The following CNTN1 variants were observed in gnomAD, a reference collection of about 807,000 sequenced individuals.
CNTN1 encodes the protein contactin 1.
CNTN1 carries 38 observed loss-of-function variants against 126.4 expected under a neutral mutation model. The observed-to-expected ratio is 0.30, with a 90% confidence interval of 0.23 to 0.39. The LOEUF is 0.39. Among genes scored for constraint, CNTN1 ranks in the 10% least tolerant of loss-of-function variants. The pLI is 1.00. For missense variants in CNTN1, 1,009 were observed against 1,248.4 expected, an observed-to-expected ratio of 0.81 and a Z score of 2.89; for synonymous variants, 413 against 422.6, an observed-to-expected ratio of 0.98 and a Z score of 0.28.
chr12:40,977,810 T>TG (rs1182390014), intron 15 of CNTN1, among the ~76,000 whole-genome samples: 2 of 116,554 alleles, frequency 1.7e-5, no homozygotes, highest in African/African-American at 3.0e-5. Context: ...TGTTTTGTTT[T>TG]GTTTTGTTTT....
At chr12:40,785,350 G>C (rs1339728423) in intron 1 of CNTN1, among the ~76,000 whole-genome samples, 6 of 152,132 alleles carry the variant, frequency 3.9e-5, no homozygotes, top group Non-Finnish European at 8.8e-5. Flanking sequence ...GGAAGACGAA[G>C]TGGGAGCAGG....
chr12:40,947,398 T>C (rs1172809257), intron 14 of CNTN1, among the ~76,000 whole-genome samples: 2 of 152,042 alleles, frequency 1.3e-5, no homozygotes, highest in Admixed American at 1.3e-4. Flanking sequence ...TGGCAAATGA[T>C]CATAAATGTT....
rs114268774 is a variant in CNTN1, at chr12:40,924,864, T to A, written c.496+212T>A. Among the ~76,000 whole-genome samples the A allele has an allele frequency of 0.034, 2,590 of 76,662 alleles. 79 individuals carry two copies. Among genetic ancestry groups the A allele is most frequent in the African/African-American group, 0.12 (2,334 of 18,936 alleles). The allele number at this position is 76,662 out of a possible 152,430, so 50.3% of individuals were successfully genotyped here. On this transcript the variant is annotated intron_variant, in intron 6 of 23. Coordinates refer to ENST00000551295, the MANE Select transcript of CNTN1 (RefSeq NM_001843.4). ...TGGCTCTAGTCCCAAGGATCTCTAATCATTTTAGTTTATAAACATATATAT... is the reference window on the plus strand; with the variant it reads ...TGGCTCTAGTCCCAAGGATCTCTAAACATTTTAGTTTATAAACATATATAT...
chr12:40,779,679 A>C (rs1037773239), intron 1 of CNTN1, among the ~76,000 whole-genome samples: 5 of 151,914 alleles, frequency 3.3e-5, no homozygotes, highest in African/African-American at 1.2e-4. Flanking sequence ...TAAAACAGTT[A>C]AGAGATGCTT....
intron 17 of CNTN1, among the ~76,000 whole-genome samples, chr12:41,003,248 C>T (rs1415469142): frequency 6.6e-6 from 1 of 152,090 alleles, no homozygotes; most frequent in East Asian, 1.9e-4. Context: ...ATCACATTTA[C>T]TGATTTGCAT....
At chr12:40,762,245 C>T (rs530819265) in intron 1 of CNTN1, among the ~76,000 whole-genome samples, 5 of 152,186 alleles carry the variant, frequency 3.3e-5, no homozygotes, top group African/African-American at 1.2e-4. Context: ...GTACAATGTC[C>T]AAAGTAGAAA....
At chr12:40,961,422 T>C (rs76165559) in intron 15 of CNTN1, among the ~76,000 whole-genome samples, 1 of 152,032 alleles carries the variant, frequency 6.6e-6, no homozygotes, top group South Asian at 2.1e-4. Context: ...ATTAAACAGT[T>C]GTTTTTATTT....
At position 40,928,801 on chromosome 12, in the gene CNTN1, A is replaced by G. The variant is rs547704078; in HGVS notation, c.497-995A>G. 1.6e-4 allele frequency among the ~76,000 whole-genome samples: 24 copies of G among 152,194 alleles called. No individual in the cohort carries two copies. In the East Asian group the frequency reaches 4.4e-3, roughly 28 times the overall value. ...ATTGTGCTTTCACACTCTCTTTGAAAGCTTTGCTAGCCACGCTGAGTTCCC... is the reference window on the plus strand; with the variant it reads ...ATTGTGCTTTCACACTCTCTTTGAAGGCTTTGCTAGCCACGCTGAGTTCCC... On this transcript the variant is annotated intron_variant, in intron 6 of 23. Coordinates refer to ENST00000551295, the MANE Select transcript of CNTN1 (RefSeq NM_001843.4).
At chr12:41,040,701 T>C (rs1214161276) in intron 23 of CNTN1, among the ~76,000 whole-genome samples, 5 of 152,058 alleles carry the variant, frequency 3.3e-5, no homozygotes, top group Non-Finnish European at 5.9e-5. Context: ...TCACTCATGA[T>C]TTGGCTCTCT....
At chr12:40,891,309 C>T (rs1057319537) in intron 1 of CNTN1, among the ~76,000 whole-genome samples, 2 of 152,132 alleles carry the variant, frequency 1.3e-5, no homozygotes, top group Non-Finnish European at 2.9e-5. Context: ...CTGCCTATGG[C>T]TTGTCTTCTC....
chr12:41,015,198 C>CG (rs201301905), intron 18 of CNTN1, among the ~76,000 whole-genome samples: 53 of 2,646 alleles, frequency 0.02, no homozygotes, highest in African/African-American at 0.12. Context: ...CAAGATTTAG[C>CG]AAAAAAAAAC....
At chr12:40,913,075 C>T (rs953385957) in intron 3 of CNTN1, among the ~76,000 whole-genome samples, 2 of 152,174 alleles carry the variant, frequency 1.3e-5, no homozygotes, top group Non-Finnish European at 2.9e-5. Context: ...TCCCCTTGGG[C>T]AGGTAAAGCC....
intron 6 of CNTN1, among the ~76,000 whole-genome samples, chr12:40,924,879 A>AATATATATATATATATATATATATATAT (rs1297006824): frequency 5.5e-5 from 3 of 54,304 alleles, no homozygotes; most frequent in Admixed American, 1.8e-4. Context: ...TTAGTTTATA[A>AATATATATATATATATATATATATATAT]ACATATATAT....
chr12:40,737,470 C>T (rs1937748143), intron 1 of CNTN1, among the ~76,000 whole-genome samples: 2 of 150,460 alleles, frequency 1.3e-5, no homozygotes, highest in South Asian at 4.2e-4. Context: ...AGTCTGAGTC[C>T]CAAAACTGAA....
intron 1 of CNTN1, among the ~76,000 whole-genome samples, chr12:40,831,899 A>G (rs187825770): frequency 3.0e-4 from 45 of 152,344 alleles, no homozygotes; most frequent in African/African-American, 1.0e-3. Flanking sequence ...ATATTTGGTA[A>G]AACGTTCTAC....
intron 16 of CNTN1, among the ~76,000 whole-genome samples, chr12:40,990,282 T>C (rs955676516): frequency 7.9e-5 from 12 of 152,198 alleles, no homozygotes; most frequent in African/African-American, 2.9e-4. Flanking sequence ...AATACTATTT[T>C]TAAATATTTA....
intron 14 of CNTN1, among the ~76,000 whole-genome samples, chr12:40,949,750 A>G (rs1946596260): frequency 2.7e-5 from 4 of 149,508 alleles, no homozygotes; most frequent in South Asian, 4.2e-4. Context: ...ATTTTTTTGT[A>G]TTTTTAGTAG....
At chr12:40,709,872 A>G (rs1195170008) in intron 1 of CNTN1, among the ~76,000 whole-genome samples, 1 of 152,160 alleles carries the variant, frequency 6.6e-6, no homozygotes, top group Non-Finnish European at 1.5e-5. Flanking sequence ...TATCAAGGCT[A>G]CTCAAACTTT....
chr12:41,059,985 C>T (rs1018768618), intron 23 of CNTN1, among the ~76,000 whole-genome samples: 2 of 151,930 alleles, frequency 1.3e-5, no homozygotes, highest in African/African-American at 4.8e-5. Context: ...GTGATCGCAT[C>T]TTTGCACTCA....
Sources: gnomAD v4.1 joint callset for allele counts (sites outside exome capture counted in the v4.1 genomes callset) on GRCh38, gnomAD v4.1.1 for gene constraint, MANE v1.5 for transcripts, NCBI Gene and HGNC (gene_info 2026-07-23, HGNC 2026-07-21) for gene names.